The following DYRK4 variants were observed in gnomAD, a reference collection of about 807,000 sequenced individuals.
DYRK4 encodes the protein dual specificity tyrosine phosphorylation regulated kinase 4.
Under a neutral mutation model 68.3 loss-of-function variants are expected in DYRK4, and 64 were observed. The ratio of observed to expected loss-of-function variants is 0.94; its 90% CI spans 0.77 to 1.15. The LOEUF (loss-of-function observed/expected upper bound fraction) is 1.15. DYRK4 is among the 50% of genes most tolerant of loss of function. The pLI, the probability that DYRK4 is intolerant of heterozygous loss-of-function variation, is 0.00. For missense variants in DYRK4, 740 were observed against 764.7 expected (o/e 0.97, Z 0.38); for synonymous variants, 274 against 289.9 (o/e 0.95, Z 0.56).
At chr12:4,580,237 G>A (rs932474625) in intron 2 of DYRK4, among the ~76,000 whole-genome samples, 29 of 152,298 alleles carry the variant, frequency 1.9e-4, no homozygotes, top group Middle Eastern at 6.8e-3. Context: ...CTCTACTAGG[G>A]ACAGAGCTGG....
Position 4,591,539 on chromosome 12 carries a change from A to G in DYRK4, c.463+241A>G. 1 of 491,022 alleles carries G rather than the reference A, an allele frequency of 2.0e-6. No individual in the cohort carries two copies. Among genetic ancestry groups the G allele is most frequent in the Non-Finnish European group, 3.5e-6 (1 of 282,616 alleles). 30.4% of individuals were successfully genotyped at this position (491,022 alleles called of 1,614,324 possible). On this transcript the variant is annotated intron_variant, in intron 5 of 14. Transcript: ENST00000543431. The surrounding 1 kb of genome is among the most constrained non-coding windows in gnomAD (Gnocchi z 4.1). The stretch of plus-strand genomic sequence containing the variant: ...CTCTGGGCAAGGGCGGGATGTACCA[A>G]TGCAGACAGAAGGAAGTGTCTCATT...
chr12:4,586,090 G>A (rs142630577), intron 2 of DYRK4, among the ~76,000 whole-genome samples: 89 of 152,254 alleles, frequency 5.8e-4, no homozygotes, highest in African/African-American at 2.0e-3. Flanking sequence ...GGGCTTGGTG[G>A]CATGCACCTG....
At chr12:4,594,111 C>T (rs756294489) in intron 6 of DYRK4, among the ~76,000 whole-genome samples, 1 of 152,156 alleles carries the variant, frequency 6.6e-6, no homozygotes, top group Non-Finnish European at 1.5e-5. Context: ...TCAATATTTT[C>T]GGTCAAGCAT....
intron 4 of DYRK4, chr12:4,590,661 A>C: frequency 1.0e-6 from 1 of 968,918 alleles, no homozygotes; most frequent in Non-Finnish European, 1.4e-6. Context: ...AGCTGTCAGG[A>C]GGATTCATTG....
intron 12 of DYRK4, among the ~76,000 whole-genome samples, chr12:4,608,454 C>CT (rs1360368032): frequency 6.6e-6 from 1 of 152,168 alleles, no homozygotes; most frequent in Non-Finnish European, 1.5e-5. Flanking sequence ...CCAAAACACT[C>CT]TCGTGGGGAG....
intron 11 of DYRK4, among the ~76,000 whole-genome samples, chr12:4,606,394 A>G (rs1186967560): frequency 2.6e-5 from 4 of 152,210 alleles, no homozygotes; most frequent in Non-Finnish European, 5.9e-5. Context: ...AGAGAAACAC[A>G]TATAGCCTTG....
At position 4,599,032 on chromosome 12, in the gene DYRK4, A is replaced by G. The variant is rs778982049; in HGVS notation, c.910A>G (p.Asn304Asp). The G allele has an allele frequency of 3.7e-6, 6 of 1,613,964 alleles. No homozygotes were observed. Among genetic ancestry groups the G allele is most frequent in the Non-Finnish European group, 5.1e-6 (6 of 1,180,018 alleles). ...FCITFELLGI[N>D]LYELMKNNNF... ...CACTTTTCCCCTCTTTTCCAGAATC[A>G]ACTTGTATGAGTTGATGAAGAATAA... Residue 304 changes from asparagine to aspartate, a missense_variant, in exon 9 of 15, where the codon AAC (asparagine) becomes GAC (aspartate). This residue lies in a region of DYRK4 where 614 missense variants were observed against 603.7 expected (regional missense o/e 1.02). Transcript: ENST00000543431.
intron 10 of DYRK4, chr12:4,602,296 TC>T (rs1312153285): frequency 2.0e-6 from 2 of 984,186 alleles, no homozygotes; most frequent in Non-Finnish European, 3.2e-6. Flanking sequence ...TATGCCATTC[TC>T]CCTCTTTTTT....
intron 2 of DYRK4, among the ~76,000 whole-genome samples, chr12:4,571,599 G>T (rs1038041400): frequency 5.3e-4 from 80 of 152,092 alleles, no homozygotes; most frequent in African/African-American, 1.9e-3. Flanking sequence ...GTATTTTATT[G>T]TATTTTATTT....
Position 4,591,126 on chromosome 12 carries a change from T to C in DYRK4, c.325-34T>C. Reference sequence around the variant, plus strand: ...TTATGGCCCCCAGGAGAGTCCTAAGTAGTTATTTATTGCAAACCTCTTTTC... The same window carrying C: ...TTATGGCCCCCAGGAGAGTCCTAAGCAGTTATTTATTGCAAACCTCTTTTC... On this transcript the variant is annotated intron_variant, in intron 4 of 14. Coordinates refer to ENST00000543431, the MANE Select transcript of DYRK4 (RefSeq NM_001394779.1). The surrounding 1 kb of genome is among the most constrained non-coding windows in gnomAD (Gnocchi z 4.1). The C allele has an allele frequency of 6.2e-7, 1 of 1,610,942 alleles. No homozygotes were observed. The highest frequency in any genetic ancestry group is 8.5e-7 in the Non-Finnish European group (1 of 1,178,576).
At chr12:4,572,542 G>T (rs974322111) in intron 2 of DYRK4, among the ~76,000 whole-genome samples, 1 of 152,142 alleles carries the variant, frequency 6.6e-6, no homozygotes, top group Non-Finnish European at 1.5e-5. Flanking sequence ...TGATCCATCC[G>T]CCTTGGCCTC....
intron 9 of DYRK4, 25 bp from the exon 10 acceptor site, chr12:4,599,682 G>T: frequency 6.3e-7 from 1 of 1,588,876 alleles, no homozygotes; most frequent in South Asian, 1.1e-5. Flanking sequence ...ACTGTAGCTT[G>T]ACATATGTCT....
intron 10 of DYRK4, among the ~76,000 whole-genome samples, chr12:4,600,558 G>A (rs901574999): frequency 6.7e-6 from 1 of 149,566 alleles, no homozygotes; most frequent in African/African-American, 2.5e-5. Context: ...GCTTCCTGAG[G>A]CTGAAGACGG....
chr12:4,602,876 A>T, intron 10 of DYRK4: 2 of 1,038,788 alleles, frequency 1.9e-6, no homozygotes. Flanking sequence ...TTTCCCAAAT[A>T]TATTTCTTTC....
intron 2 of DYRK4, among the ~76,000 whole-genome samples, chr12:4,582,248 C>T (rs1340449164): frequency 6.6e-6 from 1 of 152,084 alleles, no homozygotes; most frequent in Non-Finnish European, 1.5e-5. Flanking sequence ...AGTTCGAGAC[C>T]AGCCTGACCA....
chr12:4,571,954 G>A (rs1944734447), intron 2 of DYRK4, among the ~76,000 whole-genome samples: 1 of 152,144 alleles, frequency 6.6e-6, no homozygotes. Context: ...GTGTGCTTGT[G>A]GAATAAAAAC....
intron 11 of DYRK4, among the ~76,000 whole-genome samples, chr12:4,606,793 C>T (rs923218162): frequency 1.3e-5 from 2 of 152,152 alleles, no homozygotes; most frequent in African/African-American, 2.4e-5. Flanking sequence ...TGGGTGGGAA[C>T]CGAGCAGCAA....
chr12:4,599,667 G>T (rs758446003), intron 9 of DYRK4, 40 bp from the exon 10 acceptor site: 2 of 1,521,688 alleles, frequency 1.3e-6, no homozygotes, highest in East Asian at 2.3e-5. Context: ...GCCTAGGGCC[G>T]CATTACTGTA....
intron 8 of DYRK4, among the ~76,000 whole-genome samples, chr12:4,597,440 A>G (rs577390384): frequency 3.3e-5 from 5 of 152,258 alleles, no homozygotes; most frequent in Non-Finnish European, 5.9e-5. Context: ...GGAACCAGCT[A>G]CATTTGAATT....
Sources: allele counts gnomAD v4.1 joint callset (sites outside exome capture counted in the v4.1 genomes callset), GRCh38; gene constraint gnomAD v4.1.1; regional missense constraint gnomAD v4.1.1; non-coding constraint Gnocchi (gnomAD v3.1); transcripts MANE v1.5; gene names NCBI Gene and HGNC (gene_info 2026-07-23, HGNC 2026-07-21).